HK2: variants seen among roughly 807,000 people sequenced by gnomAD.
HK2 encodes the protein hexokinase 2, also known as hexokinase-2.
HK2 carries 42 observed loss-of-function variants against 92.9 expected under a neutral mutation model. The observed-to-expected ratio is 0.45, with a 90% confidence interval of 0.35 to 0.58. The LOEUF (loss-of-function observed/expected upper bound fraction) is 0.58. Among genes scored for constraint, HK2 ranks in the 20% least tolerant of loss-of-function variants. The probability of loss-of-function intolerance (pLI) is 0.00; values close to 1 mark genes in which losing one functional copy is unlikely to be tolerated. For synonymous variants in HK2, 422 were observed against 468.0 expected, an observed-to-expected ratio of 0.90 and a Z score of 1.27; for missense variants, 978 against 1,245.1, an observed-to-expected ratio of 0.79 and a Z score of 3.23.
rs894880261 is a variant in HK2 at position 74,892,273 on chromosome 2, A to G, written c.*1332A>G. 1.3e-5 allele frequency: 2 copies of G among 152,208 alleles called. No homozygotes were observed. Among genetic ancestry groups the G allele is most frequent in the Admixed American group, 6.5e-5 (1 of 15,284 alleles). 9.4% of individuals were successfully genotyped at this position (152,208 alleles called of 1,614,324 possible). Reference sequence around the variant, plus strand: ...TTTAAATTGTATCTAATCCTCAACAACAAACCAAAACAGAACAATTAAACA... The same window carrying G: ...TTTAAATTGTATCTAATCCTCAACAGCAAACCAAAACAGAACAATTAAACA... On this transcript the variant is annotated 3_prime_UTR_variant, in exon 18 of 18. Coordinates refer to ENST00000290573, the MANE Select transcript of HK2 (RefSeq NM_000189.5).
chr2:74,875,168 A>C (rs1011945965), intron 7 of HK2, among the ~76,000 whole-genome samples: 4 of 152,146 alleles, frequency 2.6e-5, no homozygotes, highest in African/African-American at 9.7e-5. Context: ...GGATTGCTTC[A>C]AGGTCTGAAG....
intron 7 of HK2, among the ~76,000 whole-genome samples, chr2:74,876,951 A>G (rs1333159764): frequency 2.6e-5 from 4 of 152,126 alleles, no homozygotes; most frequent in Non-Finnish European, 4.4e-5. Context: ...AGTTTCATTT[A>G]TTCTTCTCCA....
In HK2 at chr2:74,834,530, C is replaced by T. The variant is rs1265707097; in HGVS notation, c.-51C>T. The T allele has an allele frequency of 3.8e-6, 6 of 1,596,170 alleles. No homozygotes were observed. Among genetic ancestry groups the T allele is most frequent in the Middle Eastern group, 1.7e-4 (1 of 6,024 alleles). ...TCGGACCGCGCCGCCCGCCTCCCCTCTCGCGTCTCCGCCTCGGTTTCCCAA... is the reference window on the plus strand; with the variant it reads ...TCGGACCGCGCCGCCCGCCTCCCCTTTCGCGTCTCCGCCTCGGTTTCCCAA... On this transcript the variant is annotated 5_prime_UTR_variant, in exon 1 of 18. Transcript: ENST00000290573. This position sits in a 1 kb window ranked among gnomAD's most constrained non-coding sequence, Gnocchi z 4.2.
chr2:74,867,853 C>A, intron 3 of HK2, 69 bp downstream of exon 3: 5 of 1,567,484 alleles, frequency 3.2e-6, no homozygotes, highest in Non-Finnish European at 4.4e-6. Context: ...TCTGTACTTT[C>A]TCCAGCCGCT....
At chr2:74,846,925 G>A (rs371984579) in intron 1 of HK2, among the ~76,000 whole-genome samples, 1 of 152,192 alleles carries the variant, frequency 6.6e-6, no homozygotes, top group Non-Finnish European at 1.5e-5. Context: ...GGGCCAAATA[G>A]GAGTGTTGAC....
intron 4 of HK2, 28 bp downstream of exon 4, chr2:74,872,447 G>T (rs1455708847): frequency 6.2e-7 from 1 of 1,613,558 alleles, no homozygotes; most frequent in Non-Finnish European, 8.5e-7. Flanking sequence ...GACACTTGTT[G>T]CTTCACTCTT....
At chr2:74,865,200 G>A (rs924885536) in intron 2 of HK2, among the ~76,000 whole-genome samples, 1 of 152,106 alleles carries the variant, frequency 6.6e-6, no homozygotes, top group Non-Finnish European at 1.5e-5. Flanking sequence ...GGGGTGTCAG[G>A]GAATGTGTGT....
intron 1 of HK2, among the ~76,000 whole-genome samples, chr2:74,846,954 G>A (rs150757582): frequency 1.6e-4 from 24 of 152,256 alleles, no homozygotes; most frequent in Non-Finnish European, 1.9e-4. Flanking sequence ...TAGATGACCC[G>A]ATTGTATCTT....
At chr2:74,837,185 C>T (rs1307731138) in intron 1 of HK2, among the ~76,000 whole-genome samples, 1 of 152,150 alleles carries the variant, frequency 6.6e-6, no homozygotes, top group Admixed American at 6.5e-5. Context: ...TAACTGAGGC[C>T]CAGGGGTAAC....
rs1396381792 is a variant in HK2 at position 74,834,863 on chromosome 2, G to A, written c.63+220G>A. Reference sequence around the variant, plus strand: ...CGGGGAGCCGAGGTCGCGCTCCGCCGGGCGCCCTCCCTCCCTGAGCTCCGG... The same window carrying A: ...CGGGGAGCCGAGGTCGCGCTCCGCCAGGCGCCCTCCCTCCCTGAGCTCCGG... On this transcript the variant is annotated intron_variant, in intron 1 of 17. Coordinates refer to ENST00000290573, the MANE Select transcript of HK2 (RefSeq NM_000189.5). This position sits in a 1 kb window ranked among gnomAD's most constrained non-coding sequence, Gnocchi z 4.2. 6.6e-6 allele frequency among the ~76,000 whole-genome samples: 1 copy of A among 152,184 alleles called. No homozygotes were observed.
At chr2:74,890,160 C>T (rs1689640846) in intron 17 of HK2, among the ~76,000 whole-genome samples, 1 of 152,146 alleles carries the variant, frequency 6.6e-6, no homozygotes, top group Admixed American at 6.5e-5. Flanking sequence ...GGGGCAGAAG[C>T]CCAGCCACCA....
At chr2:74,881,597 A>G (rs1689393372) in intron 10 of HK2, 114 bp from the exon 11 acceptor site, 1 of 1,035,100 alleles carries the variant, frequency 9.7e-7, no homozygotes, top group Non-Finnish European at 1.5e-6. Context: ...AGAATGTAAT[A>G]TAAAGTGGCA....
chr2:74,879,193 G>A lies in HK2; in HGVS notation c.1265+272G>A, dbSNP rs28363030. On this transcript the variant is annotated intron_variant, in intron 9 of 17. Coordinates refer to ENST00000290573, the MANE Select transcript of HK2 (RefSeq NM_000189.5). ...TGGACACTCTCTTTGCCACCCTCTT[G>A]TATGCGTTATTGTTCCTGTCTTTAC... Among the ~76,000 whole-genome samples the A allele has an allele frequency of 7.9e-3, 1,200 of 152,266 alleles. 20 individuals are homozygous for A. Among genetic ancestry groups the A allele is most frequent in the African/African-American group, 0.027 (1,133 of 41,536 alleles).
chr2:74,866,019 C>T (rs1277136736), intron 2 of HK2, among the ~76,000 whole-genome samples: 6 of 152,040 alleles, frequency 3.9e-5, no homozygotes, highest in South Asian at 4.1e-4. Context: ...AAATAGTGGC[C>T]GGGGTTCTGG....
At position 74,893,101 on chromosome 2, in the gene HK2, A is replaced by G. The variant is rs1382601849; in HGVS notation, c.*2160A>G. The G allele has an allele frequency of 1.3e-5, 2 of 151,196 alleles. No individual in the cohort carries two copies. Among genetic ancestry groups the G allele is most frequent in the African/African-American group, 4.9e-5 (2 of 41,002 alleles). The allele number at this position is 151,196 out of a possible 1,614,324, so 9.4% of individuals were successfully genotyped here. On this transcript the variant is annotated 3_prime_UTR_variant, in exon 18 of 18. Coordinates refer to ENST00000290573, the MANE Select transcript of HK2 (RefSeq NM_000189.5). The stretch of plus-strand genomic sequence containing the variant: ...TATTAAAGATGTGTTGTTGGTTTCC[A>G]AAAAGGAACACTGGAAAATAAATTT...
intron 1 of HK2, among the ~76,000 whole-genome samples, chr2:74,841,389 CACA>C (rs1325527723): frequency 1.3e-5 from 2 of 151,836 alleles, no homozygotes; most frequent in African/African-American, 4.8e-5. Flanking sequence ...GATAGCTCCC[CACA>C]ACAAAAAATT....
chr2:74,886,779 TG>T, intron 15 of HK2, 106 bp downstream of exon 15: 3 of 1,164,560 alleles, frequency 2.6e-6, no homozygotes, highest in Non-Finnish European at 3.8e-6. Flanking sequence ...TCTCGTGAGA[TG>T]TTAATAAAGG....
chr2:74,889,540 C>A, intron 17 of HK2, 62 bp downstream of exon 17: 2 of 1,091,584 alleles, frequency 1.8e-6, no homozygotes, highest in South Asian at 1.3e-5. Context: ...TTTCCCTTTT[C>A]TTTCTCTCTT....
chr2:74,835,736 G>A (rs1308209260), intron 1 of HK2, among the ~76,000 whole-genome samples: 2 of 152,236 alleles, frequency 1.3e-5, no homozygotes, highest in East Asian at 1.9e-4. Flanking sequence ...TAGGGGACAA[G>A]TTGGGAGGGG....
Sources: gnomAD v4.1 joint callset for allele counts (sites outside exome capture counted in the v4.1 genomes callset) on GRCh38, gnomAD v4.1.1 for gene constraint, Gnocchi (gnomAD v3.1) non-coding constraint, MANE v1.5 for transcripts, NCBI Gene and HGNC (gene_info 2026-07-23, HGNC 2026-07-21) for gene names.